Variants in CLIC4 observed in about 807,000 individuals in gnomAD.
CLIC4 encodes chloride intracellular channel protein 4.
A neutral mutation model predicts 24.6 loss-of-function variants in CLIC4; 13 were observed. The observed-to-expected ratio is 0.53, with a 90% CI of 0.34 to 0.84. CLIC4 has a LOEUF of 0.84. Ranked by LOEUF, CLIC4 falls within the 40% of genes least tolerant of loss-of-function variation. CLIC4 has a pLI of 0.01. For synonymous variants in CLIC4, 104 were observed against 111.3 expected, an observed-to-expected ratio of 0.93 and a Z score of 0.41; for missense variants, 227 against 301.7, an observed-to-expected ratio of 0.75 and a Z score of 1.83.
intron 1 of CLIC4, among the ~76,000 whole-genome samples, chr1:24,775,224 C>CTTTCTT (rs1639119913): frequency 7.7e-5 from 7 of 90,636 alleles, no homozygotes; most frequent in Admixed American, 1.3e-4. Flanking sequence ...TTCTTTCTTT[C>CTTTCTT]TTTTTTTTTT....
chr1:24,784,459 C>T (rs1639241512), intron 1 of CLIC4, among the ~76,000 whole-genome samples: 2 of 152,174 alleles, frequency 1.3e-5, no homozygotes, highest in Non-Finnish European at 2.9e-5. Flanking sequence ...TAGATTAATA[C>T]ATGTGAAGAG....
chr1:24,765,418 A>G (rs898906286), intron 1 of CLIC4, among the ~76,000 whole-genome samples: 5 of 152,256 alleles, frequency 3.3e-5, no homozygotes, highest in African/African-American at 1.2e-4. Flanking sequence ...CATGATTGGG[A>G]AAAAGCAAAT....
In CLIC4 at chr1:24,841,944, A is replaced by G. The variant is rs1322787736; in HGVS notation, c.*1007A>G. ...GGTGGGTTTGTCAAAATATCAAGTA[A>G]ATTTTTGTTTCTAAAGTACATTTAA... On this transcript the variant is annotated 3_prime_UTR_variant, in exon 6 of 6. Transcript: ENST00000374379. 6.6e-6 allele frequency: 1 copy of G among 152,600 alleles called. No homozygotes were observed. The highest frequency in any genetic ancestry group is 1.5e-5 in the Non-Finnish European group (1 of 68,020). 9.5% of individuals were successfully genotyped at this position (152,600 alleles called of 1,614,324 possible).
At chr1:24,784,003 AT>A (rs552630401) in intron 1 of CLIC4, among the ~76,000 whole-genome samples, 6,010 of 130,116 alleles carry the variant, frequency 0.046, 306 homozygotes, top group African/African-American at 0.14. Context: ...TCCAGTTTTG[AT>A]TTTTTTTTTT....
chr1:24,785,137 T>C (rs1639252520), intron 1 of CLIC4, among the ~76,000 whole-genome samples: 1 of 151,790 alleles, frequency 6.6e-6, no homozygotes, highest in East Asian at 1.9e-4. Context: ...TGGAATAATT[T>C]AATGTGGAAG....
At chr1:24,818,974 A>AT (rs1421093160) in intron 3 of CLIC4, among the ~76,000 whole-genome samples, 2 of 151,952 alleles carry the variant, frequency 1.3e-5, no homozygotes, top group African/African-American at 4.8e-5. Flanking sequence ...TTATATGTAT[A>AT]TTTGGGGGAG....
chr1:24,794,750 G>A (rs1367832057), intron 1 of CLIC4, among the ~76,000 whole-genome samples: 1 of 152,108 alleles, frequency 6.6e-6, no homozygotes, highest in Non-Finnish European at 1.5e-5. Flanking sequence ...TGGCATCTTC[G>A]TCATGAAATC....
At chr1:24,795,428 G>A (rs1285757866) in intron 1 of CLIC4, among the ~76,000 whole-genome samples, 1 of 151,974 alleles carries the variant, frequency 6.6e-6, no homozygotes, top group Non-Finnish European at 1.5e-5. Context: ...AGGCTGAGGC[G>A]GGAGTATTTC....
chr1:24,761,534 T>C (rs566576121), intron 1 of CLIC4, among the ~76,000 whole-genome samples: 4 of 152,198 alleles, frequency 2.6e-5, no homozygotes, highest in African/African-American at 7.2e-5. Flanking sequence ...AAGTGAGCAG[T>C]AGAGTGAGGG....
At chr1:24,830,609 T>G (rs1443196842) in intron 4 of CLIC4, among the ~76,000 whole-genome samples, 2 of 152,228 alleles carry the variant, frequency 1.3e-5, no homozygotes, top group Non-Finnish European at 2.9e-5. Context: ...CCCACAAACA[T>G]GAAAGTATTC....
intron 1 of CLIC4, among the ~76,000 whole-genome samples, chr1:24,754,274 G>T (rs1416202124): frequency 6.6e-6 from 1 of 152,170 alleles, no homozygotes; most frequent in Non-Finnish European, 1.5e-5. Context: ...TATGAATAAT[G>T]ATAGGAAAGA....
intron 1 of CLIC4, among the ~76,000 whole-genome samples, chr1:24,767,653 C>A (rs996663880): frequency 6.6e-6 from 1 of 152,090 alleles, no homozygotes; most frequent in Non-Finnish European, 1.5e-5. Flanking sequence ...AGTCCATCGG[C>A]CTCAGCAGCT....
At chr1:24,828,455 T>C (rs938250067) in intron 4 of CLIC4, among the ~76,000 whole-genome samples, 1 of 152,166 alleles carries the variant, frequency 6.6e-6, no homozygotes, top group African/African-American at 2.4e-5. Flanking sequence ...CCACAGACAG[T>C]GTCTTTTCTG....
intron 1 of CLIC4, among the ~76,000 whole-genome samples, chr1:24,787,812 G>A (rs1445608586): frequency 4.1e-5 from 6 of 144,992 alleles, no homozygotes; most frequent in Non-Finnish European, 6.1e-5. Flanking sequence ...CCCAAAGTGC[G>A]GGGATTACAG....
chr1:24,818,707 G>A (rs944269399), intron 3 of CLIC4, among the ~76,000 whole-genome samples: 1 of 151,820 alleles, frequency 6.6e-6, no homozygotes, highest in Non-Finnish European at 1.5e-5. Context: ...CCCTCAACAA[G>A]TACAGTCATG....
In CLIC4 at chr1:24,840,051, T is replaced by C. The variant is rs1639927324; in HGVS notation, c.597+10T>C. On this transcript the variant is annotated intron_variant, in intron 5 of 5. Coordinates refer to ENST00000374379, the MANE Select transcript of CLIC4 (RefSeq NM_013943.3). ...ACTGCATATTGTCAAGGTAGGTCTGTAGGGGTTGATGTCGCATTGCCATTA... is the reference window on the plus strand; with the variant it reads ...ACTGCATATTGTCAAGGTAGGTCTGCAGGGGTTGATGTCGCATTGCCATTA... 1.9e-6 allele frequency: 3 copies of C among 1,611,850 alleles called. No homozygotes were observed. Among genetic ancestry groups the C allele is most frequent in the African/African-American group, 1.3e-5 (1 of 74,884 alleles).
At chr1:24,770,220 A>G (rs867880294) in intron 1 of CLIC4, among the ~76,000 whole-genome samples, 3 of 151,952 alleles carry the variant, frequency 2.0e-5, no homozygotes, top group Non-Finnish European at 4.4e-5. Flanking sequence ...AACAAAAATC[A>G]TATACTAATT....
chr1:24,843,052 T>C lies in CLIC4; in HGVS notation c.*2115T>C, dbSNP rs1411463877. The C allele has an allele frequency of 6.6e-6, 1 of 152,198 alleles. No homozygotes were observed. The highest frequency in any genetic ancestry group is 1.5e-5 in the Non-Finnish European group (1 of 68,004). The allele number at this position is 152,198 out of a possible 1,614,324, so 9.4% of individuals were successfully genotyped here. A position where few individuals can be genotyped will look rare whatever the true frequency, so the allele number is the denominator to read the frequency against. On this transcript the variant is annotated 3_prime_UTR_variant, in exon 6 of 6. Coordinates refer to ENST00000374379, the MANE Select transcript of CLIC4 (RefSeq NM_013943.3). ...CAGTGATGAAAATTCATTTTGAAAC[T>C]CAAATATTTTCATTTTGGATATTCT...
intron 1 of CLIC4, among the ~76,000 whole-genome samples, chr1:24,774,778 GA>G (rs934297579): frequency 2.7e-5 from 4 of 149,388 alleles, no homozygotes; most frequent in Admixed American, 6.7e-5. Context: ...GACCTTGTCT[GA>G]AAAAAAAAGG....
Sources: allele counts gnomAD v4.1 joint callset (sites outside exome capture counted in the v4.1 genomes callset), GRCh38; gene constraint gnomAD v4.1.1; transcripts MANE v1.5; gene names NCBI Gene and HGNC (gene_info 2026-07-23, HGNC 2026-07-21).